CCDC102B: variants seen among roughly 807,000 people sequenced by gnomAD.
CCDC102B encodes the protein coiled-coil domain-containing protein 102B.
CCDC102B carries 75 observed loss-of-function variants against 57.4 expected under a neutral mutation model. That is an observed-to-expected ratio of 1.31 (90% CI 1.08 to 1.58). The LOEUF (loss-of-function observed/expected upper bound fraction) is 1.58. CCDC102B is among the 40% of genes most tolerant of loss of function. The pLI, the probability that CCDC102B is intolerant of heterozygous loss-of-function variation, is 0.00. For missense variants in CCDC102B, 636 were observed against 582.6 expected, an observed-to-expected ratio of 1.09 and a Z score of -0.94; for synonymous variants, 206 against 201.9, an observed-to-expected ratio of 1.02 and a Z score of -0.17.
chr18:68,982,099 G>A (rs1311478825), intron 6 of CCDC102B, among the ~76,000 whole-genome samples: 3 of 151,950 alleles, frequency 2.0e-5, no homozygotes, highest in African/African-American at 4.8e-5. Flanking sequence ...AATATGGTAT[G>A]AGACATCAAT....
At chr18:68,905,388 G>C (rs2040591228) in intron 6 of CCDC102B, among the ~76,000 whole-genome samples, 5 of 149,970 alleles carry the variant, frequency 3.3e-5, no homozygotes, top group Admixed American at 2.7e-4. Flanking sequence ...TTGTTACAAA[G>C]ATTATTTAAA....
At chr18:68,992,969 C>A in intron 6 of CCDC102B, 1 of 172,062 alleles carries the variant, frequency 5.8e-6, no homozygotes, top group South Asian at 1.3e-4. Context: ...TAGTAGGTGT[C>A]ACTCAGAGCT....
At chr18:68,959,006 G>A (rs891479790) in intron 6 of CCDC102B, among the ~76,000 whole-genome samples, 2 of 152,124 alleles carry the variant, frequency 1.3e-5, no homozygotes, top group Non-Finnish European at 2.9e-5. Flanking sequence ...GTCACTGGCT[G>A]CTTGTGTAGT....
At chr18:68,915,949 T>C (rs929058985) in intron 6 of CCDC102B, among the ~76,000 whole-genome samples, 1 of 152,182 alleles carries the variant, frequency 6.6e-6, no homozygotes, top group African/African-American at 2.4e-5. Context: ...TCATGTGGAA[T>C]TGAAATATGT....
At chr18:68,957,754 A>G (rs1057345605) in intron 6 of CCDC102B, among the ~76,000 whole-genome samples, 6 of 152,090 alleles carry the variant, frequency 3.9e-5, no homozygotes, top group African/African-American at 1.4e-4. Context: ...TGAACATGAA[A>G]TATCTTTCCA....
intron 6 of CCDC102B, among the ~76,000 whole-genome samples, chr18:68,970,696 TATACTGACA>T (rs2050278736): frequency 6.6e-6 from 1 of 152,016 alleles, no homozygotes. Context: ...AAATTATAAA[TATACTGACA>T]GTGTTTTCTG....
At chr18:68,790,108 C>G (rs1249094329) in intron 2 of CCDC102B, among the ~76,000 whole-genome samples, 1 of 149,244 alleles carries the variant, frequency 6.7e-6, no homozygotes, top group African/African-American at 2.5e-5. Context: ...GTCAGTCTGC[C>G]CCTGCTGGGG....
chr18:68,902,373 T>A (rs2040485567), intron 6 of CCDC102B: 1 of 152,196 alleles, frequency 6.6e-6, no homozygotes, highest in Non-Finnish European at 1.5e-5. Context: ...TGTGCACATT[T>A]AGGCAATATC....
At chr18:68,888,348 A>G (rs925148562) in intron 5 of CCDC102B, among the ~76,000 whole-genome samples, 2 of 152,196 alleles carry the variant, frequency 1.3e-5, no homozygotes, top group Non-Finnish European at 2.9e-5. Flanking sequence ...GTTTTAAACA[A>G]TCAGATTAGT....
intron 7 of CCDC102B, among the ~76,000 whole-genome samples, chr18:69,042,846 G>C (rs1048216790): frequency 6.6e-6 from 1 of 152,130 alleles, no homozygotes; most frequent in Non-Finnish European, 1.5e-5. Context: ...TGGAAATGCT[G>C]TTCCTTGAAG....
intron 5 of CCDC102B, among the ~76,000 whole-genome samples, chr18:68,877,648 AGT>A: frequency 6.6e-6 from 1 of 152,320 alleles, no homozygotes; most frequent in East Asian, 1.9e-4. Flanking sequence ...TCTAATTTCC[AGT>A]GGAGAGAAAT....
At chr18:68,877,314 CCTT>C (rs1332428779) in intron 5 of CCDC102B, among the ~76,000 whole-genome samples, 1 of 152,176 alleles carries the variant, frequency 6.6e-6, no homozygotes, top group Non-Finnish European at 1.5e-5. Flanking sequence ...AGCCCACCTC[CCTT>C]CTTTAGAAAG....
intron 7 of CCDC102B, among the ~76,000 whole-genome samples, chr18:69,025,510 T>C (rs944024010): frequency 2.6e-5 from 4 of 152,224 alleles, no homozygotes; most frequent in Admixed American, 6.5e-5. Context: ...AGCTATTTGC[T>C]TTTATAGTCA....
intron 2 of CCDC102B, among the ~76,000 whole-genome samples, chr18:68,757,456 T>C (rs2034088363): frequency 6.6e-6 from 1 of 152,178 alleles, no homozygotes; most frequent in Non-Finnish European, 1.5e-5. Flanking sequence ...AATAATTTTA[T>C]TGGGTAAAAC....
At chr18:68,890,097 C>G (rs528403442) in intron 5 of CCDC102B, among the ~76,000 whole-genome samples, 1 of 152,198 alleles carries the variant, frequency 6.6e-6, no homozygotes, top group Non-Finnish European at 1.5e-5. Flanking sequence ...GGGATAGAAC[C>G]AGTCACATTT....
At chr18:69,056,287 G>C (rs2052813231), downstream of CCDC102B, among the ~76,000 whole-genome samples, 1 of 152,004 alleles carries the variant, frequency 6.6e-6, no homozygotes. Context: ...TATTGTTTCA[G>C]GTGTATCTTG....
intron 3 of CCDC102B, among the ~76,000 whole-genome samples, chr18:68,843,837 T>C (rs1354805180): frequency 2.0e-5 from 3 of 151,960 alleles, no homozygotes; most frequent in Non-Finnish European, 2.9e-5. Flanking sequence ...AAAATCTCTC[T>C]GAAACACAGA....
At chr18:68,873,604 T>C (rs1290615110) in intron 4 of CCDC102B, among the ~76,000 whole-genome samples, 1 of 152,074 alleles carries the variant, frequency 6.6e-6, no homozygotes, top group African/African-American at 2.4e-5. Flanking sequence ...ATGATAAGAA[T>C]ACCTAACATA....
Position 68,748,529 on chromosome 18 carries a change from T to G in CCDC102B, c.-67+31935T>G, listed in dbSNP as rs1036950020. Among the ~76,000 whole-genome samples, 4 of 152,212 alleles carry G rather than the reference T, an allele frequency of 2.6e-5. No homozygotes were observed. The East Asian group carries it at 7.7e-4, about 29-fold the overall frequency. On this transcript the variant is annotated intron_variant, in intron 2 of 3. Transcript: ENST00000578970. ...TTTTCCCAACGGAGTAATTTTCAAT[T>G]CTTTCATCAGCAGTAGGGATAGCAA... is the stretch of plus-strand genomic sequence containing the variant.
Sources: allele counts gnomAD v4.1 joint callset (sites outside exome capture counted in the v4.1 genomes callset), GRCh38; gene constraint gnomAD v4.1.1; transcripts MANE v1.5; gene names NCBI Gene and HGNC (gene_info 2026-07-23, HGNC 2026-07-21).